Variants in SEMA6D observed in about 807,000 individuals in gnomAD.
The protein encoded by SEMA6D is semaphorin 6D, also known as semaphorin-6D.
In SEMA6D, 35 loss-of-function variants were observed where a neutral mutation model predicts 106.6. The ratio of observed to expected loss-of-function variants is 0.33; its 90% confidence interval spans 0.25 to 0.44. The LOEUF is 0.44. SEMA6D is among the 20% of genes least tolerant of loss of function. The pLI, the probability that SEMA6D is intolerant of heterozygous loss-of-function variation, is 1.00. For missense variants in SEMA6D, 1,185 were observed against 1,345.9 expected, an observed-to-expected ratio of 0.88 and a Z score of 1.87; for synonymous variants, 499 against 487.7, an observed-to-expected ratio of 1.02 and a Z score of -0.31.
intron 1 of SEMA6D, among the ~76,000 whole-genome samples, chr15:47,315,801 A>G (rs2036645595): frequency 6.6e-6 from 1 of 151,970 alleles, no homozygotes; most frequent in Non-Finnish European, 1.5e-5. Flanking sequence ...TAGATCTTGT[A>G]TATATTTTGT....
chr15:47,206,740 T>C (rs1895093873), intron 1 of SEMA6D, among the ~76,000 whole-genome samples: 1 of 152,066 alleles, frequency 6.6e-6, no homozygotes, highest in Non-Finnish European at 1.5e-5. Context: ...GCTCCTCAGC[T>C]CTACAGTATG....
chr15:47,489,029 A>C (rs1166178676), intron 3 of SEMA6D, among the ~76,000 whole-genome samples: 1 of 152,194 alleles, frequency 6.6e-6, no homozygotes, highest in Admixed American at 6.5e-5. Flanking sequence ...GGGGGGAAAA[A>C]CAAGGTCTTC....
intron 3 of SEMA6D, among the ~76,000 whole-genome samples, chr15:47,474,120 G>A (rs1455632124): frequency 6.6e-6 from 1 of 152,162 alleles, no homozygotes; most frequent in Non-Finnish European, 1.5e-5. Flanking sequence ...GGCTCATGAA[G>A]CTGAATAGAA....
intron 1 of SEMA6D, among the ~76,000 whole-genome samples, chr15:47,405,816 A>C (rs1210154813): frequency 2.0e-5 from 3 of 152,174 alleles, no homozygotes; most frequent in African/African-American, 7.2e-5. Context: ...AGGGGTCTGC[A>C]GCTTGCATAA....
chr15:47,766,285 T>C (rs1408933335), intron 15 of SEMA6D, 103 bp downstream of exon 15: 1 of 1,031,398 alleles, frequency 9.7e-7, no homozygotes, highest in Middle Eastern at 2.2e-4. Context: ...TTCTTTTTTT[T>C]TGTTGTTATG....
intron 4 of SEMA6D, among the ~76,000 whole-genome samples, chr15:47,683,611 G>A (rs2078406444): frequency 6.6e-6 from 1 of 151,970 alleles, no homozygotes; most frequent in South Asian, 2.1e-4. Context: ...TATCTTGTCT[G>A]CATTTTTTTA....
intron 1 of SEMA6D, among the ~76,000 whole-genome samples, chr15:47,350,440 C>CACATGCATTGTTTCACATGCATTGAA (rs1164499669): frequency 6.6e-6 from 1 of 152,160 alleles, no homozygotes; most frequent in African/African-American, 2.4e-5. Flanking sequence ...GGCTTATTTT[C>CACATGCATTGTTTCACATGCATTGAA]ACATGCATTG....
At chr15:47,713,008 T>C (rs141217187), upstream of SEMA6D, among the ~76,000 whole-genome samples, 494 of 152,320 alleles carry the variant, frequency 3.2e-3, 2 homozygotes, top group African/African-American at 0.012. Flanking sequence ...TCATATCTCT[T>C]GTCTGTTTGC....
At chr15:47,493,680 C>CTTATTCG (rs2043544202) in intron 3 of SEMA6D, among the ~76,000 whole-genome samples, 1 of 152,086 alleles carries the variant, frequency 6.6e-6, no homozygotes, top group Non-Finnish European at 1.5e-5. Context: ...TATTATTTCA[C>CTTATTCG]TTATTCGTTA....
chr15:47,213,989 G>T (rs17356476), intron 1 of SEMA6D, among the ~76,000 whole-genome samples: 1 of 152,008 alleles, frequency 6.6e-6, no homozygotes, highest in African/African-American at 2.4e-5. Flanking sequence ...GTGGAGTTGC[G>T]TCTGGCATGC....
At chr15:47,490,140 C>A (rs1365213090) in intron 3 of SEMA6D, among the ~76,000 whole-genome samples, 1 of 152,082 alleles carries the variant, frequency 6.6e-6, no homozygotes, top group Non-Finnish European at 1.5e-5. Context: ...AATCACTTAC[C>A]TGTTTGTTAT....
At chr15:47,728,866 A>G (rs1176656252) in intron 1 of SEMA6D, among the ~76,000 whole-genome samples, 1 of 152,158 alleles carries the variant, frequency 6.6e-6, no homozygotes, top group African/African-American at 2.4e-5. Context: ...TCTCTCTTCC[A>G]TCTTCAAAGG....
chr15:47,770,695 G>A lies in SEMA6D; in HGVS notation c.2132G>A (p.Ser711Asn). The change falls in exon 19 of 19, where the codon AGT becomes AAT. Residue 711 changes from serine to asparagine, a missense_variant. Transcript: ENST00000536845. ...AESAQSCTDS[S>N]GSFAKLNGLF... ...TCCGCCCAGTCATGCACAGACTCCA[G>A]TGGAAGTTTTGCCAAACTGAATGGT... The A allele has an allele frequency of 1.9e-6, 3 of 1,614,154 alleles. No individual in the cohort carries two copies. The highest frequency in any genetic ancestry group is 4.5e-5 in the East Asian group (2 of 44,868).
chr15:47,462,555 T>C (rs2042546616), intron 2 of SEMA6D, among the ~76,000 whole-genome samples: 1 of 152,112 alleles, frequency 6.6e-6, no homozygotes, highest in Admixed American at 6.6e-5. Flanking sequence ...TAAACGTATT[T>C]CTTGTTTCCC....
intron 1 of SEMA6D, among the ~76,000 whole-genome samples, chr15:47,748,425 C>G (rs1319644135): frequency 6.6e-6 from 1 of 152,188 alleles, no homozygotes; most frequent in Non-Finnish European, 1.5e-5. Flanking sequence ...GAAAATGATC[C>G]TTTGAGTAGC....
intron 1 of SEMA6D, among the ~76,000 whole-genome samples, chr15:47,283,158 C>T (rs1237060954): frequency 6.6e-6 from 1 of 152,050 alleles, no homozygotes; most frequent in African/African-American, 2.4e-5. Context: ...TCCACCCCAC[C>T]CTCATTTTCC....
At chr15:47,455,941 C>G (rs1214137076) in intron 2 of SEMA6D, among the ~76,000 whole-genome samples, 3 of 151,852 alleles carry the variant, frequency 2.0e-5, no homozygotes, top group Non-Finnish European at 4.4e-5. Flanking sequence ...CCCTCAAATT[C>G]TATAGCTTCA....
chr15:47,278,185 C>G (rs1426723753), intron 1 of SEMA6D, among the ~76,000 whole-genome samples: 2 of 152,142 alleles, frequency 1.3e-5, no homozygotes, highest in Non-Finnish European at 2.9e-5. Context: ...GAGGAATTGC[C>G]ACACTGACTT....
intron 4 of SEMA6D, among the ~76,000 whole-genome samples, chr15:47,611,148 T>TACACACACACACAC (rs71432248): frequency 2.3e-4 from 32 of 141,560 alleles, no homozygotes; most frequent in African/African-American, 7.8e-4. Flanking sequence ...CCGTCCTACA[T>TACACACACACACAC]ACACACACAC....
Sources: allele counts gnomAD v4.1 joint callset (sites outside exome capture counted in the v4.1 genomes callset), GRCh38; gene constraint gnomAD v4.1.1; transcripts MANE v1.5; gene names NCBI Gene and HGNC (gene_info 2026-07-23, HGNC 2026-07-21).